The following XPR1 variants were observed in gnomAD, a reference collection of about 807,000 sequenced individuals.
The protein encoded by XPR1 is xenotropic and polytropic retrovirus receptor 1, also known as solute carrier family 53 member 1.
XPR1 carries 28 observed loss-of-function variants against 87.5 expected under a neutral mutation model. The ratio of observed to expected loss-of-function variants is 0.32; its 90% confidence interval spans 0.24 to 0.44. The LOEUF is 0.44. Ranked by LOEUF, XPR1 falls within the 20% of genes least tolerant of loss-of-function variation. The probability of loss-of-function intolerance (pLI) is 1.00; values close to 1 mark genes in which losing one functional copy is unlikely to be tolerated. For missense variants in XPR1, 559 were observed against 862.3 expected, an observed-to-expected ratio of 0.65 and a Z score of 4.41; for synonymous variants, 300 against 306.1, an observed-to-expected ratio of 0.98 and a Z score of 0.21.
Position 180,711,124 on chromosome 1 carries a change from C to A in XPR1, c.121+28713C>A, listed in dbSNP as rs370213286. Among the ~76,000 whole-genome samples the A allele has an allele frequency of 1.6e-4, 24 of 151,236 alleles. 1 individual carries two copies. On this transcript the variant is annotated intron_variant, in intron 2 of 14. Coordinates refer to ENST00000367590, the MANE Select transcript of XPR1 (RefSeq NM_004736.4). ...GGCTGGGCAGAGGCGCTCCTCACAT[C>A]CCAGACGGGGCGGCGGGGCAGAGGC...
At chr1:180,689,770 G>A (rs1009780842) in intron 2 of XPR1, among the ~76,000 whole-genome samples, 1 of 152,128 alleles carries the variant, frequency 6.6e-6, no homozygotes, top group Non-Finnish European at 1.5e-5. Context: ...TATGTAAGAC[G>A]TTAATGATAG....
chr1:180,847,996 T>C (rs1204639713), intron 11 of XPR1, among the ~76,000 whole-genome samples: 1 of 152,114 alleles, frequency 6.6e-6, no homozygotes, highest in Non-Finnish European at 1.5e-5. Flanking sequence ...CTGAAAAATA[T>C]CACACTCAAT....
At chr1:180,751,666 TTTC>T (rs1647540523) in intron 2 of XPR1, among the ~76,000 whole-genome samples, 1 of 152,140 alleles carries the variant, frequency 6.6e-6, no homozygotes, top group Non-Finnish European at 1.5e-5. Context: ...AAAATTTTTG[TTTC>T]TTCTTCCATA....
At chr1:180,777,664 G>A (rs914679937) in intron 2 of XPR1, among the ~76,000 whole-genome samples, 3 of 151,950 alleles carry the variant, frequency 2.0e-5, no homozygotes, top group Admixed American at 6.6e-5. Flanking sequence ...CTACCCATCT[G>A]TTGATGTAAT....
At chr1:180,806,325 CCT>C in intron 5 of XPR1, 114 bp downstream of exon 5, 1 of 1,485,824 alleles carries the variant, frequency 6.7e-7, no homozygotes, top group Non-Finnish European at 9.1e-7. Context: ...AATATATATG[CCT>C]TACCTGTGAT....
chr1:180,752,266 A>C (rs904726657), intron 2 of XPR1, among the ~76,000 whole-genome samples: 2 of 152,200 alleles, frequency 1.3e-5, no homozygotes, highest in African/African-American at 4.8e-5. Flanking sequence ...TTAACTTAGA[A>C]AACTACATTT....
At chr1:180,691,805 A>G (rs980130572) in intron 2 of XPR1, among the ~76,000 whole-genome samples, 3 of 152,266 alleles carry the variant, frequency 2.0e-5, no homozygotes, top group African/African-American at 7.2e-5. Flanking sequence ...GTCTACTTCA[A>G]GCATCTTCTT....
At chr1:180,760,388 C>T (rs1481925385) in intron 2 of XPR1, among the ~76,000 whole-genome samples, 1 of 152,160 alleles carries the variant, frequency 6.6e-6, no homozygotes, top group Non-Finnish European at 1.5e-5. Context: ...CCAAAATCTC[C>T]TTAAGCTGAT....
At position 180,655,797 on chromosome 1, in the gene XPR1, A is replaced by G. The variant is rs1485443475; in HGVS notation, c.69+23527A>G. ...TGCCCAATTTTTATTATCCTTGATT[A>G]CTGAGTACCATCTTTTTTTAATTTT... On this transcript the variant is annotated intron_variant, in intron 1 of 14. Coordinates refer to ENST00000367590, the MANE Select transcript of XPR1 (RefSeq NM_004736.4). Among the ~76,000 whole-genome samples, 4 of 151,954 alleles carry G rather than the reference A, an allele frequency of 2.6e-5. No individual in the cohort carries two copies. The East Asian group carries it at 7.7e-4, about 29-fold the overall frequency.
At chr1:180,821,147 T>A (rs192728543) in intron 7 of XPR1, among the ~76,000 whole-genome samples, 16 of 152,336 alleles carry the variant, frequency 1.1e-4, no homozygotes, top group African/African-American at 3.6e-4. Context: ...CATGAAGATT[T>A]ATCATTATGT....
intron 2 of XPR1, among the ~76,000 whole-genome samples, chr1:180,682,653 C>T (rs984559854): frequency 4.0e-5 from 6 of 151,860 alleles, no homozygotes; most frequent in Non-Finnish European, 7.4e-5. Flanking sequence ...GACTGTGAAT[C>T]GTATATATTG....
In XPR1 at chr1:180,673,569, A is replaced by C. The variant is rs1284176678; in HGVS notation, c.70-8791A>C. Among the ~76,000 whole-genome samples the C allele has an allele frequency of 2.0e-5, 3 of 152,222 alleles. No individual in the cohort carries two copies. In the East Asian group the frequency reaches 5.8e-4, roughly 29 times the overall value. On this transcript the variant is annotated intron_variant, in intron 1 of 14. Transcript: ENST00000367590. ...CTGGGCCACACAGCAGGAGGTAAGC[A>C]GTGGGCCAGTGTGTATTACCGCCTG...
At chr1:180,680,771 C>A (rs1226440573) in intron 1 of XPR1, among the ~76,000 whole-genome samples, 1 of 152,130 alleles carries the variant, frequency 6.6e-6, no homozygotes, top group East Asian at 1.9e-4. Flanking sequence ...ATGCTTATTG[C>A]AACACTAACT....
At chr1:180,678,819 G>A (rs1656456799) in intron 1 of XPR1, among the ~76,000 whole-genome samples, 1 of 152,140 alleles carries the variant, frequency 6.6e-6, no homozygotes, top group South Asian at 2.1e-4. Context: ...TACTGGACTT[G>A]AGTATCTGTA....
At chr1:180,773,923 G>C (rs1298370528) in intron 2 of XPR1, among the ~76,000 whole-genome samples, 4 of 152,136 alleles carry the variant, frequency 2.6e-5, no homozygotes, top group Admixed American at 6.5e-5. Context: ...CACTTGTCCA[G>C]ATCTTCTATT....
chr1:180,780,767 C>CA (rs756960289), intron 2 of XPR1, among the ~76,000 whole-genome samples: 8,310 of 105,928 alleles, frequency 0.078, 343 homozygotes, highest in Non-Finnish European at 0.1. Context: ...GACTCTGTCT[C>CA]AAAAAAAAAA....
rs915759183 is a variant in XPR1, at chr1:180,824,660, C to T, written c.764-93C>T. The T allele has an allele frequency of 5.5e-6, 6 of 1,091,724 alleles. No homozygotes were observed. In the African/African-American group the frequency reaches 9.5e-5, roughly 17 times the overall value. The allele number at this position is 1,091,724 out of a possible 1,614,324, so 67.6% of individuals were successfully genotyped here. A position where few individuals can be genotyped will look rare whatever the true frequency, so the allele number is the denominator to read the frequency against. ...TTTTATTTATGAAAAATTTCTATGC[C>T]AGGGCTATATCATTGAGAATGAAGA... On this transcript the variant is annotated intron_variant, in intron 7 of 14. Transcript: ENST00000367590.
chr1:180,694,133 A>AT lies in XPR1; in HGVS notation c.121+11729dup, dbSNP rs550335152. Among the ~76,000 whole-genome samples, 588 of 152,140 alleles carry AT rather than the reference A, an allele frequency of 3.9e-3. 5 individuals are homozygous for AT. The highest frequency in any genetic ancestry group is 0.014 in the African/African-American group (564 of 41,488). ...CCAGTGTGCCTGGATAATTAAAGAA[A>AT]TTTTTTTGTAGAGACAGGGTCTTGC... On this transcript the variant is annotated intron_variant, in intron 2 of 14. Transcript: ENST00000367590.
chr1:180,801,278 G>A (rs993896476), intron 3 of XPR1, among the ~76,000 whole-genome samples: 2 of 152,134 alleles, frequency 1.3e-5, no homozygotes, highest in African/African-American at 2.4e-5. Context: ...CCTCACTAAC[G>A]TAATTCTGGA....
Sources: allele counts gnomAD v4.1 joint callset (sites outside exome capture counted in the v4.1 genomes callset), GRCh38; gene constraint gnomAD v4.1.1; transcripts MANE v1.5; gene names NCBI Gene and HGNC (gene_info 2026-07-23, HGNC 2026-07-21).